Variants in DLG2 observed in about 807,000 individuals in gnomAD.
DLG2 encodes the protein discs large MAGUK scaffold protein 2, also known as disks large homolog 2.
DLG2 carries 45 observed loss-of-function variants against 132.5 expected under a neutral mutation model. That is an observed-to-expected ratio of 0.34 (90% CI 0.27 to 0.44). The LOEUF (loss-of-function observed/expected upper bound fraction) is 0.44, where lower values mean the gene tolerates loss of function less well. DLG2 is among the 20% of genes least tolerant of loss of function. The probability of loss-of-function intolerance (pLI) is 1.00; values close to 1 mark genes in which losing one functional copy is unlikely to be tolerated. For synonymous variants in DLG2, 424 were observed against 419.6 expected (o/e 1.01, Z -0.13); for missense variants, 1,045 against 1,196.9 (o/e 0.87, Z 1.87).
At chr11:85,298,180 A>G (rs1404335774) in intron 3 of DLG2, among the ~76,000 whole-genome samples, 2 of 152,314 alleles carry the variant, frequency 1.3e-5, no homozygotes, top group Admixed American at 6.5e-5. Context: ...ATTTGAATCT[A>G]TCAGAAAAGA....
chr11:84,401,334 A>G (rs1237904224), intron 7 of DLG2, among the ~76,000 whole-genome samples: 3 of 152,084 alleles, frequency 2.0e-5, no homozygotes, highest in African/African-American at 7.2e-5. Flanking sequence ...TACACTTTTC[A>G]CAACTTATTA....
chr11:84,143,333 A>T (rs1046773413), intron 9 of DLG2, among the ~76,000 whole-genome samples: 1 of 152,138 alleles, frequency 6.6e-6, no homozygotes, highest in Non-Finnish European at 1.5e-5. Context: ...GAAGAAGTTG[A>T]TCAGTTAAAA....
At chr11:84,835,316 CAGACCTACAT>C (rs2079600060) in intron 6 of DLG2, among the ~76,000 whole-genome samples, 2 of 151,666 alleles carry the variant, frequency 1.3e-5, no homozygotes, top group Admixed American at 1.3e-4. Context: ...TGGAGGTAGA[CAGACCTACAT>C]TTTAATCTTC....
intron 6 of DLG2, 175 bp from the exon 7 acceptor site, chr11:84,534,906 C>A: frequency 1.3e-6 from 1 of 768,508 alleles, no homozygotes; most frequent in Non-Finnish European, 2.3e-6. Flanking sequence ...AGGTCAAATG[C>A]AAGCAGAACT....
At chr11:84,857,354 C>T (rs1156568107) in intron 6 of DLG2, among the ~76,000 whole-genome samples, 1 of 150,542 alleles carries the variant, frequency 6.6e-6, no homozygotes, top group Non-Finnish European at 1.5e-5. Context: ...ATCAAGGCAA[C>T]ACATGATTAT....
intron 6 of DLG2, among the ~76,000 whole-genome samples, chr11:85,021,815 A>T (rs1372670978): frequency 6.6e-6 from 1 of 152,158 alleles, no homozygotes; most frequent in Non-Finnish European, 1.5e-5. Context: ...ATGCAGCCAC[A>T]ACTGCTCAGT....
intron 9 of DLG2, among the ~76,000 whole-genome samples, chr11:84,117,428 T>C (rs1174681105): frequency 6.6e-6 from 1 of 152,214 alleles, no homozygotes; most frequent in East Asian, 1.9e-4. Context: ...GGTTTTCTAC[T>C]TGGGTCTTTC....
chr11:85,590,720 T>A (rs962793863), intron 3 of DLG2, among the ~76,000 whole-genome samples: 1 of 151,916 alleles, frequency 6.6e-6, no homozygotes, highest in African/African-American at 2.4e-5. Flanking sequence ...GCTATAATAT[T>A]AATAATACTA....
rs572576606 is a variant in DLG2 at position 85,060,227 on chromosome 11, T to G, written c.357+51434A>C. On this transcript the variant is annotated intron_variant, in intron 6 of 27. Coordinates refer to ENST00000376104, the MANE Select transcript of DLG2 (RefSeq NM_001142699.3). ...CATCACTGGCTTATTTCACTTAGTATAATGTCCTAAAGGTTTATCTTTGTT... is the reference window on the plus strand; with the variant it reads ...CATCACTGGCTTATTTCACTTAGTAGAATGTCCTAAAGGTTTATCTTTGTT... Among the ~76,000 whole-genome samples, 11 of 151,598 alleles carry G rather than the reference T, an allele frequency of 7.3e-5. No individual in the cohort carries two copies. The South Asian group carries it at 2.3e-3, about 31-fold the overall frequency.
intron 19 of DLG2, among the ~76,000 whole-genome samples, chr11:83,594,599 ACTAT>A (rs2097253030): frequency 1.3e-5 from 2 of 152,202 alleles, no homozygotes; most frequent in South Asian, 4.1e-4. Flanking sequence ...TACAGGGAAA[ACTAT>A]CTAAGAATAG....
chr11:84,766,734 A>G (rs540821373), intron 6 of DLG2, among the ~76,000 whole-genome samples: 1 of 152,168 alleles, frequency 6.6e-6, no homozygotes, highest in South Asian at 2.1e-4. Flanking sequence ...GTTTAGGGTA[A>G]TTAGTAGGGG....
intron 8 of DLG2, among the ~76,000 whole-genome samples, chr11:84,192,401 T>G (rs2096429095): frequency 6.6e-6 from 1 of 152,188 alleles, no homozygotes; most frequent in Admixed American, 6.6e-5. Context: ...ATGGGCCTTT[T>G]TATAATGAGA....
chr11:85,456,688 A>T (rs998133259), intron 3 of DLG2, among the ~76,000 whole-genome samples: 37 of 152,226 alleles, frequency 2.4e-4, no homozygotes, highest in Non-Finnish European at 4.4e-5. Context: ...ATTTGGTCAA[A>T]GAATTTCTTG....
intron 5 of DLG2, among the ~76,000 whole-genome samples, chr11:85,146,093 C>A (rs772559227): frequency 1.3e-5 from 2 of 152,142 alleles, no homozygotes; most frequent in Non-Finnish European, 1.5e-5. Flanking sequence ...TTCTTGCAGA[C>A]TCCTAGAGGT....
chr11:84,041,079 G>C (rs1190335206), intron 11 of DLG2, among the ~76,000 whole-genome samples: 4 of 151,828 alleles, frequency 2.6e-5, no homozygotes, highest in Admixed American at 2.6e-4. Context: ...TTTGTATCCT[G>C]AGACTTTGCT....
chr11:83,909,981 C>T (rs1272400860), intron 15 of DLG2, among the ~76,000 whole-genome samples: 4 of 152,152 alleles, frequency 2.6e-5, no homozygotes, highest in Non-Finnish European at 5.9e-5. Flanking sequence ...AATTTGCTAT[C>T]TGAAGATGTG....
chr11:84,805,407 A>G (rs903875825), intron 6 of DLG2, among the ~76,000 whole-genome samples: 1 of 152,188 alleles, frequency 6.6e-6, no homozygotes, highest in South Asian at 2.1e-4. Flanking sequence ...TAGAGAATCA[A>G]TAAATGCTGA....
At chr11:85,304,681 T>C (rs1483099049) in intron 3 of DLG2, among the ~76,000 whole-genome samples, 12 of 152,186 alleles carry the variant, frequency 7.9e-5, no homozygotes, top group Non-Finnish European at 2.9e-5. Flanking sequence ...AAAACACTTC[T>C]GGTTGAAAGC....
At chr11:84,546,324 G>A (rs1565259554) in intron 6 of DLG2, among the ~76,000 whole-genome samples, 1 of 152,132 alleles carries the variant, frequency 6.6e-6, no homozygotes, top group Non-Finnish European at 1.5e-5. Flanking sequence ...ATGTCAGTCT[G>A]CTTCCTGTTT....
Sources: allele counts gnomAD v4.1 joint callset (sites outside exome capture counted in the v4.1 genomes callset), GRCh38; gene constraint gnomAD v4.1.1; transcripts MANE v1.5; gene names NCBI Gene and HGNC (gene_info 2026-07-23, HGNC 2026-07-21).